The following PCDHA13 variants were observed in gnomAD, a reference collection of about 807,000 sequenced individuals.
The protein encoded by PCDHA13 is protocadherin alpha 13, also known as protocadherin alpha-13.
In PCDHA13, 54 loss-of-function variants were observed where a neutral mutation model predicts 64.8. The ratio of observed to expected loss-of-function variants is 0.83; its 90% confidence interval spans 0.67 to 1.04. The LOEUF is 1.04. Among genes scored for constraint, PCDHA13 ranks in the 50% least tolerant of loss-of-function variants. The probability of loss-of-function intolerance (pLI) is 0.00; values close to 1 mark genes in which losing one functional copy is unlikely to be tolerated. For missense variants in PCDHA13, 1,248 were observed against 1,254.3 expected, an observed-to-expected ratio of 0.99 and a Z score of 0.08; for synonymous variants, 587 against 564.4, an observed-to-expected ratio of 1.04 and a Z score of -0.57.
At chr5:140,956,890 G>T (rs2095318198) in intron 1 of PCDHA13, among the ~76,000 whole-genome samples, 3 of 152,136 alleles carry the variant, frequency 2.0e-5, no homozygotes, top group Non-Finnish European at 4.4e-5. Context: ...ATCAATGAAT[G>T]AATATTCTTA....
chr5:140,927,670 C>A lies in PCDHA13; in HGVS notation c.2394+43008C>A, dbSNP rs1006141153. ...GTTATTCCGAGTTCAAGCCTTGGATCCAGATGAAGGGTCCAATGGGGAAGT... is the reference window on the plus strand; with the variant it reads ...GTTATTCCGAGTTCAAGCCTTGGATACAGATGAAGGGTCCAATGGGGAAGT... On this transcript the variant is annotated intron_variant, in intron 1 of 3. Transcript: ENST00000289272. 2.5e-6 allele frequency: 4 copies of A among 1,614,166 alleles called. No homozygotes were observed. The highest frequency in any genetic ancestry group is 3.4e-6 in the Non-Finnish European group (4 of 1,180,028).
chr5:141,009,594 C>G, intron 3 of PCDHA13, 33 bp from the exon 4 acceptor site: 1 of 1,602,468 alleles, frequency 6.2e-7, no homozygotes, highest in Non-Finnish European at 8.5e-7. Context: ...ATGTGTTGAC[C>G]CTGTTAATGA....
chr5:140,979,462 T>C (rs2096852361), intron 2 of PCDHA13, among the ~76,000 whole-genome samples: 1 of 152,304 alleles, frequency 6.6e-6, no homozygotes, highest in East Asian at 1.9e-4. Context: ...CAATAATTGA[T>C]TGCTATTGTT....
At chr5:140,942,638 A>T (rs1478847405) in intron 1 of PCDHA13, among the ~76,000 whole-genome samples, 1 of 152,122 alleles carries the variant, frequency 6.6e-6, no homozygotes, top group Non-Finnish European at 1.5e-5. Context: ...AAATGGCAAA[A>T]GAGATCTCAT....
At position 140,927,110 on chromosome 5, in the gene PCDHA13, G is replaced by T; in HGVS notation, c.2394+42448G>T. The T allele has an allele frequency of 3.7e-6, 6 of 1,613,752 alleles. No individual in the cohort carries two copies. The Middle Eastern group carries it at 8.3e-4, about 222-fold the overall frequency. On this transcript the variant is annotated intron_variant, in intron 1 of 3. Transcript: ENST00000289272. ...TACTTCGGGGTGGATCTACCCAGCG[G>T]CAATTTGGTGGTCAGAGAGCCGGCG...
intron 1 of PCDHA13, among the ~76,000 whole-genome samples, chr5:140,947,889 A>G (rs1275614644): frequency 1.3e-5 from 2 of 151,626 alleles, no homozygotes; most frequent in Non-Finnish European, 3.0e-5. Flanking sequence ...CAATATAAAC[A>G]GAAGTGGTGA....
At chr5:140,968,909 G>A (rs782304408) in intron 1 of PCDHA13, 7 of 1,614,172 alleles carry the variant, frequency 4.3e-6, no homozygotes, top group Non-Finnish European at 5.1e-6. Context: ...ATTAAGCACA[G>A]TGTCTTTTAT....
intron 3 of PCDHA13, among the ~76,000 whole-genome samples, chr5:140,987,196 AGAGT>A (rs2097234784): frequency 6.6e-6 from 1 of 151,568 alleles, no homozygotes; most frequent in Non-Finnish European, 1.5e-5. Flanking sequence ...CCTGGGTGAC[AGAGT>A]GAGACTCCAT....
At chr5:140,936,347 G>A (rs2090928614) in intron 1 of PCDHA13, among the ~76,000 whole-genome samples, 1 of 152,066 alleles carries the variant, frequency 6.6e-6, no homozygotes, top group South Asian at 2.1e-4. Flanking sequence ...CTGCATATAT[G>A]GAATGTGTAG....
intron 1 of PCDHA13, among the ~76,000 whole-genome samples, chr5:140,972,181 AC>A: frequency 6.6e-6 from 1 of 152,234 alleles, no homozygotes; most frequent in Admixed American, 6.5e-5. Flanking sequence ...TTGGCCTGTC[AC>A]CCAGGCTGGA....
chr5:140,898,067 T>C (rs2066506598), intron 1 of PCDHA13, among the ~76,000 whole-genome samples: 1 of 152,122 alleles, frequency 6.6e-6, no homozygotes, highest in Admixed American at 6.5e-5. Context: ...TTGTTTGAGT[T>C]CATTGTAGAT....
intron 1 of PCDHA13, among the ~76,000 whole-genome samples, chr5:140,939,224 C>T (rs761211778): frequency 8.5e-5 from 13 of 152,130 alleles, no homozygotes; most frequent in Admixed American, 4.6e-4. Context: ...TGTCTCTTCA[C>T]CTTCTGGAAG....
At chr5:140,960,557 G>A (rs2095556177) in intron 1 of PCDHA13, among the ~76,000 whole-genome samples, 1 of 152,104 alleles carries the variant, frequency 6.6e-6, no homozygotes. Context: ...TATAGACTGA[G>A]CTTAGGAAAA....
chr5:140,967,107 G>A (rs782199698), intron 1 of PCDHA13: 12 of 1,612,876 alleles, frequency 7.4e-6, no homozygotes, highest in Non-Finnish European at 9.3e-6. Context: ...TGTGAGCAGC[G>A]GCCTCGCTGC....
intron 1 of PCDHA13, among the ~76,000 whole-genome samples, chr5:140,947,946 C>T (rs1396530064): frequency 2.0e-5 from 3 of 151,452 alleles, no homozygotes; most frequent in African/African-American, 7.3e-5. Flanking sequence ...AAAAGTGTTC[C>T]ATATTTTACA....
intron 1 of PCDHA13, among the ~76,000 whole-genome samples, chr5:140,973,558 T>C (rs1427190876): frequency 6.6e-6 from 1 of 152,238 alleles, no homozygotes; most frequent in Admixed American, 6.5e-5. Flanking sequence ...AATTACCTCT[T>C]TCCTCAATTT....
intron 3 of PCDHA13, among the ~76,000 whole-genome samples, chr5:140,988,459 G>A (rs1554250155): frequency 6.6e-6 from 1 of 152,152 alleles, no homozygotes; most frequent in Admixed American, 6.5e-5. Context: ...AGGAAGCAAG[G>A]GTGTGGGAAG....
At chr5:140,892,811 T>C (rs1554185379) in intron 1 of PCDHA13, among the ~76,000 whole-genome samples, 1 of 152,210 alleles carries the variant, frequency 6.6e-6, no homozygotes, top group Non-Finnish European at 1.5e-5. Context: ...TAACCATATT[T>C]ATCCTACAGT....
intron 3 of PCDHA13, among the ~76,000 whole-genome samples, chr5:141,008,824 T>C (rs1042258496): frequency 6.6e-6 from 1 of 152,186 alleles, no homozygotes; most frequent in African/African-American, 2.4e-5. Flanking sequence ...TACAACAGGA[T>C]TCCATCCTCT....
Sources: allele counts gnomAD v4.1 joint callset (sites outside exome capture counted in the v4.1 genomes callset), GRCh38; gene constraint gnomAD v4.1.1; transcripts MANE v1.5; gene names NCBI Gene and HGNC (gene_info 2026-07-23, HGNC 2026-07-21).